KHDRBS2: variants seen among roughly 807,000 people sequenced by gnomAD.
KHDRBS2 encodes KH RNA binding domain containing, signal transduction associated 2, also known as KH domain-containing, RNA-binding, signal transduction-associated protein 2.
A neutral mutation model predicts 44.3 loss-of-function variants in KHDRBS2; 26 were observed. That is an observed-to-expected ratio of 0.59 (90% CI 0.43 to 0.81). KHDRBS2 has a LOEUF of 0.81. KHDRBS2 is among the 40% of genes least tolerant of loss of function. The probability of loss-of-function intolerance (pLI) is 0.00; values close to 1 mark genes in which losing one functional copy is unlikely to be tolerated. For synonymous variants in KHDRBS2, 194 were observed against 151.1 expected (o/e 1.28, Z -2.08); for missense variants, 476 against 433.1 (o/e 1.10, Z -0.88).
At chr6:61,581,991 A>G in the KHDRBS2 span, among the ~76,000 whole-genome samples, 4 of 151,904 alleles carry the variant, frequency 2.6e-5, no homozygotes, top group African/African-American at 9.7e-5. Context: ...CTAAACTTAG[A>G]GATTTTTTAA....
intron 6 of KHDRBS2, among the ~76,000 whole-genome samples, chr6:61,781,334 T>C (rs545569040): frequency 9.9e-5 from 15 of 152,162 alleles, no homozygotes; most frequent in Non-Finnish European, 1.8e-4. Flanking sequence ...ATATTCATAA[T>C]ATAAATGAAA....
At chr6:61,982,674 A>G (rs1472216180) in intron 3 of KHDRBS2, among the ~76,000 whole-genome samples, 1 of 151,002 alleles carries the variant, frequency 6.6e-6, no homozygotes, top group Non-Finnish European at 1.5e-5. Flanking sequence ...CTGTCTCAAA[A>G]AAAAAAAAAA....
chr6:62,224,378 G>A (rs1376439613), intron 1 of KHDRBS2, among the ~76,000 whole-genome samples: 1 of 152,092 alleles, frequency 6.6e-6, no homozygotes, highest in African/African-American at 2.4e-5. Flanking sequence ...ATAAGATTTG[G>A]GTGGGGACAC....
chr6:61,705,288 A>AGG (rs1769337146), intron 7 of KHDRBS2, among the ~76,000 whole-genome samples: 1 of 151,810 alleles, frequency 6.6e-6, no homozygotes, highest in Non-Finnish European at 1.5e-5. Context: ...TTAAAATAAG[A>AGG]GGGGGCCTTA....
intron 1 of KHDRBS2, among the ~76,000 whole-genome samples, chr6:62,196,740 C>T (rs972055641): frequency 2.0e-5 from 3 of 151,870 alleles, no homozygotes; most frequent in African/African-American, 7.3e-5. Context: ...TTAAATAGGC[C>T]CTGGAGGTGG....
chr6:61,803,822 A>G (rs773347878), intron 6 of KHDRBS2, among the ~76,000 whole-genome samples: 7 of 152,020 alleles, frequency 4.6e-5, no homozygotes, highest in Non-Finnish European at 8.8e-5. Context: ...AAACCATCAG[A>G]TCTTGTGCGA....
the KHDRBS2 span, among the ~76,000 whole-genome samples, chr6:61,595,981 C>A: frequency 3.3e-5 from 5 of 152,090 alleles, no homozygotes; most frequent in Non-Finnish European, 5.9e-5. Context: ...AAGGCATCAT[C>A]GAGGATGGCT....
intron 5 of KHDRBS2, among the ~76,000 whole-genome samples, chr6:61,899,733 G>C (rs1303030658): frequency 1.4e-4 from 17 of 123,208 alleles, no homozygotes; most frequent in Admixed American, 4.5e-4. Context: ...TTGTTTTAAT[G>C]CCCCCCCCCC....
chr6:61,738,159 C>T (rs1775658986), intron 6 of KHDRBS2, among the ~76,000 whole-genome samples: 1 of 151,950 alleles, frequency 6.6e-6, no homozygotes, highest in Admixed American at 6.6e-5. Context: ...CTAAAAAATA[C>T]TACTTTATTA....
chr6:61,848,532 CATATATATGTATATATATACAT>C (rs1562294724), intron 6 of KHDRBS2, among the ~76,000 whole-genome samples: 10 of 28,212 alleles, frequency 3.5e-4, no homozygotes, highest in South Asian at 2.2e-3. Flanking sequence ...TATATATATA[CATATATATGTATATATATACAT>C]ATATATATGT....
At chr6:62,279,936 C>T (rs899023468) in intron 1 of KHDRBS2, among the ~76,000 whole-genome samples, 1 of 152,148 alleles carries the variant, frequency 6.6e-6, no homozygotes, top group Non-Finnish European at 1.5e-5. Flanking sequence ...AAAAGTGCTG[C>T]TAATATAGTG....
the KHDRBS2 span, among the ~76,000 whole-genome samples, chr6:61,629,056 G>T: frequency 6.6e-6 from 1 of 152,148 alleles, no homozygotes; most frequent in Non-Finnish European, 1.5e-5. Flanking sequence ...TAATTTAAAT[G>T]TCCTTGAAAT....
chr6:61,822,999 T>G (rs1790204880), intron 6 of KHDRBS2, among the ~76,000 whole-genome samples: 1 of 152,072 alleles, frequency 6.6e-6, no homozygotes, highest in Non-Finnish European at 1.5e-5. Flanking sequence ...GGGTAGTTTT[T>G]TTTTACTATT....
At chr6:61,663,287 T>A in the KHDRBS2 span, among the ~76,000 whole-genome samples, 283 of 139,134 alleles carry the variant, frequency 2.0e-3, 2 homozygotes, top group African/African-American at 7.2e-3. Context: ...CATTAGGAGA[T>A]ATACCTAATG....
chr6:61,915,797 T>G (rs1738555616), intron 4 of KHDRBS2, among the ~76,000 whole-genome samples: 2 of 152,038 alleles, frequency 1.3e-5, no homozygotes. Flanking sequence ...ATATAGACTA[T>G]GAATTGAGAT....
Position 62,057,998 on chromosome 6 carries a change from T to C in KHDRBS2, c.220-10004A>G, listed in dbSNP as rs573345184. Among the ~76,000 whole-genome samples, 6 of 152,100 alleles carry C rather than the reference T, an allele frequency of 3.9e-5. No homozygotes were observed. In the South Asian group the frequency reaches 1.2e-3, roughly 31 times the overall value. ...AACAACAGTTTAAAATTAAGTCACA[T>C]CAATAATATTGGGCATATATATTTT... On this transcript the variant is annotated intron_variant, in intron 2 of 8. Transcript: ENST00000281156.
chr6:62,160,896 C>A (rs775959314), intron 2 of KHDRBS2, among the ~76,000 whole-genome samples: 9 of 152,032 alleles, frequency 5.9e-5, no homozygotes, highest in Non-Finnish European at 1.3e-4. Flanking sequence ...TAATGTTGTA[C>A]AATCATCACT....
the KHDRBS2 span, among the ~76,000 whole-genome samples, chr6:61,544,778 T>C: frequency 6.6e-6 from 1 of 152,056 alleles, no homozygotes; most frequent in Non-Finnish European, 1.5e-5. Flanking sequence ...GTGTCCTTTG[T>C]AGGGACATGG....
intron 7 of KHDRBS2, among the ~76,000 whole-genome samples, chr6:61,728,393 T>G (rs934479929): frequency 1.3e-5 from 2 of 152,106 alleles, no homozygotes; most frequent in East Asian, 3.9e-4. Flanking sequence ...GCATGGCACT[T>G]GTTTACCTAT....
Sources: gnomAD v4.1 joint callset for allele counts (sites outside exome capture counted in the v4.1 genomes callset) on GRCh38, gnomAD v4.1.1 for gene constraint, MANE v1.5 for transcripts, NCBI Gene and HGNC (gene_info 2026-07-23, HGNC 2026-07-21) for gene names.